The following NOP9 variants were observed in gnomAD, a reference collection of about 807,000 sequenced individuals.
NOP9 encodes nucleolar protein 9.
In NOP9, 50 loss-of-function variants were observed where a neutral mutation model predicts 63.0. The observed-to-expected ratio is 0.79, with a 90% CI of 0.63 to 1.00. The LOEUF (loss-of-function observed/expected upper bound fraction) is 1.00. NOP9 is among the 50% of genes least tolerant of loss of function. The pLI is 0.00. For missense variants in NOP9, 758 were observed against 803.0 expected (o/e 0.94, Z 0.68); for synonymous variants, 343 against 332.8 (o/e 1.03, Z -0.33).
chr14:24,304,125 CCTGGT>C lies in NOP9; in HGVS notation c.1498_1502del (p.Gly500CysfsTer57). 6.2e-7 allele frequency: 1 copy of C among 1,614,250 alleles called. No individual in the cohort carries two copies. The highest frequency in any genetic ancestry group is 1.1e-5 in the South Asian group (1 of 91,082). Reference sequence around the variant, plus strand: ...CCAGCATCTGCTGCACTTCTCCACTCCTGGTCTTGTACTTCGAAGTCTGGGTGCCT... The same window carrying C: ...CCAGCATCTGCTGCACTTCTCCACTCCTTGTACTTCGAAGTCTGGGTGCCT... On this transcript the variant is annotated frameshift_variant, in exon 8 of 10. Coordinates refer to ENST00000267425, the MANE Select transcript of NOP9 (RefSeq NM_174913.3). LOFTEE classifies it high-confidence loss of function.
In NOP9 at chr14:24,300,177, G is replaced by A. The variant is rs774511274; in HGVS notation, c.223G>A (p.Ala75Thr). 1.9e-6 allele frequency: 3 copies of A among 1,614,104 alleles called. No homozygotes were observed. The highest frequency in any genetic ancestry group is 3.3e-5 in the Admixed American group (2 of 60,030). ...FRRALSALKE[A>T]PETGEERDLM... ...CCGGGCGCTGTCAGCATTGAAAGAG[G>A]CTCCCGAGACTGGGGAAGAACGAGG... The change falls in exon 1 of 10, where the codon GCT becomes ACT. Residue 75 changes from alanine (A) to threonine (T), a missense_variant. Physicochemically the swap from Ala to Thr is moderately conservative, Grantham distance 58. Coordinates refer to ENST00000267425, the MANE Select transcript of NOP9 (RefSeq NM_174913.3).
the NOP9 span, among the ~76,000 whole-genome samples, chr14:24,278,234 A>G: frequency 5.3e-5 from 8 of 152,134 alleles, no homozygotes; most frequent in African/African-American, 1.9e-4. Context: ...CAGGTTTGGA[A>G]ACCAGGTTTT....
chr14:24,274,651 C>T, the NOP9 span, among the ~76,000 whole-genome samples: 1 of 150,570 alleles, frequency 6.6e-6, no homozygotes, highest in Admixed American at 6.7e-5. Context: ...CGTTCTGTCA[C>T]CCACGCTGGA....
chr14:24,302,117 G>A lies in NOP9; in HGVS notation c.950+11G>A, dbSNP rs754544069. On this transcript the variant is annotated intron_variant, in intron 4 of 9. Coordinates refer to ENST00000267425, the MANE Select transcript of NOP9 (RefSeq NM_174913.3). The stretch of plus-strand genomic sequence containing the variant: ...CTCAGTAGATGGCAGGTATGGTCAG[G>A]GCCTCAGGATCGACCCAAGTTGGCG... 4 of 1,611,490 alleles carry A rather than the reference G, an allele frequency of 2.5e-6. No individual in the cohort carries two copies. Among genetic ancestry groups the A allele is most frequent in the Non-Finnish European group, 3.4e-6 (4 of 1,178,122 alleles).
upstream of NOP9, among the ~76,000 whole-genome samples, chr14:24,295,281 A>G (rs1436910391): frequency 6.6e-6 from 1 of 152,260 alleles, no homozygotes; most frequent in African/African-American, 2.4e-5. Flanking sequence ...ACTGAGGGGA[A>G]TAAGATTATA....
In NOP9 at chr14:24,305,953, ACTTT is replaced by A. The variant is rs749630658; in HGVS notation, c.*863_*866del. 38 of 1,613,300 alleles carry A rather than the reference ACTTT, an allele frequency of 2.4e-5. No individual in the cohort carries two copies. Among genetic ancestry groups the A allele is most frequent in the Non-Finnish European group, 2.8e-5 (33 of 1,179,568 alleles). On this transcript the variant is annotated 3_prime_UTR_variant, in exon 10 of 10. Coordinates refer to ENST00000267425, the MANE Select transcript of NOP9 (RefSeq NM_174913.3). ...TGACATGTTGATTTCTGACCTGAGTACTTTCTTTGGGCCAAGTCCTTGAAAGTCA... is the reference window on the plus strand; with the variant it reads ...TGACATGTTGATTTCTGACCTGAGTACTTTGGGCCAAGTCCTTGAAAGTCA...
At chr14:24,274,032 A>G in the NOP9 span, among the ~76,000 whole-genome samples, 2 of 152,206 alleles carry the variant, frequency 1.3e-5, no homozygotes, top group Admixed American at 6.5e-5. Context: ...TGAGGCTCAG[A>G]AAGATTAAGT....
At chr14:24,274,405 G>C in the NOP9 span, among the ~76,000 whole-genome samples, 2 of 152,184 alleles carry the variant, frequency 1.3e-5, no homozygotes, top group African/African-American at 4.8e-5. Context: ...TTTCAGGTAT[G>C]TAATATGACG....
chr14:24,287,079 G>A, the NOP9 span, among the ~76,000 whole-genome samples: 49 of 152,000 alleles, frequency 3.2e-4, 1 homozygote, highest in East Asian at 9.5e-3. Flanking sequence ...TAGTGCAGAT[G>A]GGGTTTCACC....
At chr14:24,284,255 C>T in the NOP9 span, among the ~76,000 whole-genome samples, 5 of 152,186 alleles carry the variant, frequency 3.3e-5, no homozygotes, top group African/African-American at 9.7e-5. Flanking sequence ...CACCTTGGGT[C>T]TTGCCATTGT....
chr14:24,273,583 C>T, the NOP9 span, among the ~76,000 whole-genome samples: 254 of 152,344 alleles, frequency 1.7e-3, no homozygotes, highest in African/African-American at 5.8e-3. Context: ...ATAACAAATT[C>T]TCGAAAAGAG....
the NOP9 span, among the ~76,000 whole-genome samples, chr14:24,286,510 C>T: frequency 6.6e-6 from 1 of 152,202 alleles, no homozygotes. Context: ...CGGCCCAGAT[C>T]CCTCTTGAAT....
upstream of NOP9, among the ~76,000 whole-genome samples, chr14:24,297,581 T>C (rs1354069222): frequency 1.3e-5 from 2 of 152,182 alleles, no homozygotes; most frequent in Non-Finnish European, 2.9e-5. Flanking sequence ...AATTAATTCT[T>C]CATAATCCAG....
In NOP9 at chr14:24,304,588, T is replaced by C; in HGVS notation, c.1743T>C (p.Ala581=). 1 of 1,610,186 alleles carries C rather than the reference T, an allele frequency of 6.2e-7. No individual in the cohort carries two copies. Among genetic ancestry groups the C allele is most frequent in the Non-Finnish European group, 8.5e-7 (1 of 1,178,366 alleles). ...GAALRARKEI[A]AELGEQNQEL... ...CCTTGAGGGCCCGGAAGGAAATTGC[T>C]GCTGAGCTTGGTGAGTACCAGCCCC... The change falls in exon 9 of 10, where the codon GCT becomes GCC. Residue 581 remains alanine, a synonymous_variant. Coordinates refer to ENST00000267425, the MANE Select transcript of NOP9 (RefSeq NM_174913.3).
In NOP9 at chr14:24,301,793, C is replaced by G; in HGVS notation, c.808+71C>G. On this transcript the variant is annotated intron_variant, in intron 3 of 9. Transcript: ENST00000267425. ...GGTCATCTTACCACCAAGCAAGGCCCTTACCTCAGGTTATTCCTCTTCTTT... is the reference window on the plus strand; with the variant it reads ...GGTCATCTTACCACCAAGCAAGGCCGTTACCTCAGGTTATTCCTCTTCTTT... 3 of 1,549,388 alleles carry G rather than the reference C, an allele frequency of 1.9e-6. No homozygotes were observed. In the Admixed American group the frequency reaches 5.0e-5, roughly 26 times the overall value.
chr14:24,292,689 T>C, the NOP9 span: 4 of 1,614,218 alleles, frequency 2.5e-6, no homozygotes, highest in Non-Finnish European at 3.4e-6. Flanking sequence ...ATTGAACATA[T>C]ACTGCAGGCT....
chr14:24,284,529 AG>A, the NOP9 span, among the ~76,000 whole-genome samples: 3 of 148,966 alleles, frequency 2.0e-5, no homozygotes, highest in Admixed American at 6.7e-5. Flanking sequence ...AGTAGGGCCC[AG>A]GGGAGTGCGC....
In NOP9 at chr14:24,305,817, AG is replaced by A; in HGVS notation, c.*723del. ...AGATGATTTGGAAAACTTGGGAGGA[AG>A]CCATCAAGCTGGGAGATGAGGACTT... On this transcript the variant is annotated 3_prime_UTR_variant, in exon 10 of 10. Coordinates refer to ENST00000267425, the MANE Select transcript of NOP9 (RefSeq NM_174913.3). The A allele has an allele frequency of 2.5e-6, 4 of 1,603,012 alleles. No individual in the cohort carries two copies. Among genetic ancestry groups the A allele is most frequent in the Non-Finnish European group, 3.4e-6 (4 of 1,173,554 alleles).
chr14:24,282,664 GT>G, the NOP9 span, among the ~76,000 whole-genome samples: 1 of 152,166 alleles, frequency 6.6e-6, no homozygotes, highest in Non-Finnish European at 1.5e-5. Context: ...GGGCATATGT[GT>G]TGGTACTTGC....
Sources: gnomAD v4.1 joint callset for allele counts (sites outside exome capture counted in the v4.1 genomes callset) on GRCh38, gnomAD v4.1.1 for gene constraint, MANE v1.5 for transcripts, NCBI Gene and HGNC (gene_info 2026-07-23, HGNC 2026-07-21) for gene names.